The following CCDC191 variants were observed in gnomAD, a reference collection of about 807,000 sequenced individuals.
CCDC191 encodes coiled-coil domain-containing protein 191.
A neutral mutation model predicts 114.0 loss-of-function variants in CCDC191; 99 were observed. That is an observed-to-expected ratio of 0.87 (90% confidence interval 0.74 to 1.03). CCDC191 has a LOEUF of 1.03. Among genes scored for constraint, CCDC191 ranks in the 50% least tolerant of loss-of-function variants. CCDC191 has a pLI of 0.00. For missense variants in CCDC191, 973 were observed against 1,087.0 expected, an observed-to-expected ratio of 0.90 and a Z score of 1.47; for synonymous variants, 351 against 376.0, an observed-to-expected ratio of 0.93 and a Z score of 0.77.
At chr3:113,986,835 A>T (rs1391862128) in intron 13 of CCDC191, among the ~76,000 whole-genome samples, 2 of 152,136 alleles carry the variant, frequency 1.3e-5, no homozygotes, top group Non-Finnish European at 2.9e-5. Context: ...CTCCAAACAG[A>T]AGCACCAAGG....
chr3:113,966,426 A>G (rs528757913), intron 16 of CCDC191, among the ~76,000 whole-genome samples: 17 of 152,308 alleles, frequency 1.1e-4, no homozygotes, highest in Non-Finnish European at 1.5e-4. Context: ...CAGAGTTTCC[A>G]TACAGTGGGA....
intron 6 of CCDC191, among the ~76,000 whole-genome samples, chr3:114,032,239 G>A (rs922048647): frequency 2.6e-5 from 4 of 152,052 alleles, no homozygotes; most frequent in Non-Finnish European, 5.9e-5. Flanking sequence ...TGAATAAGGA[G>A]GGAATGGAAT....
chr3:113,972,813 T>C (rs1469504526), intron 16 of CCDC191, among the ~76,000 whole-genome samples: 1 of 152,162 alleles, frequency 6.6e-6, no homozygotes, highest in Non-Finnish European at 1.5e-5. Flanking sequence ...TATAATGACC[T>C]TTCTTTATTT....
intron 16 of CCDC191, among the ~76,000 whole-genome samples, chr3:113,966,271 A>G (rs1470393264): frequency 1.3e-5 from 2 of 152,202 alleles, no homozygotes; most frequent in Non-Finnish European, 2.9e-5. Flanking sequence ...CATGGTATGG[A>G]AGACTGTTTA....
intron 16 of CCDC191, among the ~76,000 whole-genome samples, chr3:113,969,845 T>G (rs1171569654): frequency 6.6e-6 from 1 of 152,188 alleles, no homozygotes; most frequent in Non-Finnish European, 1.5e-5. Flanking sequence ...TTCTGTGGTT[T>G]CATATAAATA....
intron 7 of CCDC191, among the ~76,000 whole-genome samples, chr3:114,029,031 C>T (rs1381508133): frequency 6.6e-6 from 1 of 151,762 alleles, no homozygotes; most frequent in East Asian, 1.9e-4. Context: ...AAAAAAATGA[C>T]ACTCCAGTAG....
intron 15 of CCDC191, 133 bp from the exon 16 acceptor site, chr3:113,978,464 T>A: frequency 3.3e-6 from 3 of 918,306 alleles, no homozygotes; most frequent in Non-Finnish European, 4.8e-6. Flanking sequence ...AAGAAAAGGA[T>A]AACCTGGAAG....
chr3:114,027,346 T>C (rs564988602), intron 7 of CCDC191, among the ~76,000 whole-genome samples: 11 of 152,184 alleles, frequency 7.2e-5, no homozygotes, highest in Admixed American at 5.2e-4. Context: ...CCGGGCGTGG[T>C]GGCTCATGCC....
At chr3:114,006,615 T>A (rs56296520) in intron 9 of CCDC191, among the ~76,000 whole-genome samples, 3,785 of 84,528 alleles carry the variant, frequency 0.045, 95 homozygotes, top group South Asian at 0.072. Context: ...TATATATATA[T>A]ATAAATATAT....
At chr3:114,044,345 C>T (rs2076601733) in intron 3 of CCDC191, among the ~76,000 whole-genome samples, 1 of 152,166 alleles carries the variant, frequency 6.6e-6, no homozygotes, top group Non-Finnish European at 1.5e-5. Flanking sequence ...GGATTTCTTT[C>T]TTAATGCTAT....
intron 12 of CCDC191, 127 bp from the exon 13 acceptor site, chr3:114,001,823 G>A: frequency 8.6e-7 from 1 of 1,163,926 alleles, no homozygotes; most frequent in Non-Finnish European, 1.2e-6. Context: ...TCTGCATTTT[G>A]TGATAAAAGT....
chr3:113,988,494 T>C (rs537829616), intron 13 of CCDC191, among the ~76,000 whole-genome samples: 1 of 151,630 alleles, frequency 6.6e-6, no homozygotes, highest in African/African-American at 2.4e-5. Flanking sequence ...GGCGTGGTGG[T>C]GCGTGCCTGT....
chr3:113,988,891 T>G (rs996518065), intron 13 of CCDC191, among the ~76,000 whole-genome samples: 4 of 152,068 alleles, frequency 2.6e-5, no homozygotes, highest in Non-Finnish European at 5.9e-5. Flanking sequence ...CCTCCCGGGT[T>G]CATGCCATTC....
At chr3:114,003,297 T>C in intron 11 of CCDC191, 1 of 985,408 alleles carries the variant, frequency 1.0e-6, no homozygotes, top group Non-Finnish European at 1.2e-6. Flanking sequence ...AGCCAGCCAA[T>C]AGTTACTTTC....
chr3:114,023,553 A>G (rs1399343731), intron 7 of CCDC191, among the ~76,000 whole-genome samples: 5 of 152,248 alleles, frequency 3.3e-5, no homozygotes, highest in East Asian at 1.9e-4. Context: ...ATAATGTGAC[A>G]TATGTACAAC....
chr3:114,007,495 C>T (rs1415518183), intron 9 of CCDC191, among the ~76,000 whole-genome samples: 1 of 152,114 alleles, frequency 6.6e-6, no homozygotes, highest in East Asian at 1.9e-4. Context: ...ATGAGAACAC[C>T]TGCTTAAGCA....
chr3:113,978,703 C>A, intron 15 of CCDC191, 155 bp downstream of exon 15: 1 of 799,874 alleles, frequency 1.3e-6, no homozygotes, highest in Admixed American at 2.5e-5. Flanking sequence ...ACTGATTTAC[C>A]ATTTTCACAT....
At chr3:114,004,494 A>G in intron 11 of CCDC191, 143 bp downstream of exon 11, 1 of 1,439,648 alleles carries the variant, frequency 6.9e-7, no homozygotes, top group Non-Finnish European at 9.1e-7. Context: ...CACTCCTCAC[A>G]TGTCTACCAT....
chr3:113,985,973 A>G (rs1335488166), intron 13 of CCDC191, among the ~76,000 whole-genome samples: 2 of 152,234 alleles, frequency 1.3e-5, no homozygotes, highest in Admixed American at 1.3e-4. Context: ...TGAAAAGATG[A>G]GCCAATCATC....
Sources: gnomAD v4.1 joint callset for allele counts (sites outside exome capture counted in the v4.1 genomes callset) on GRCh38, gnomAD v4.1.1 for gene constraint, MANE v1.5 for transcripts, NCBI Gene and HGNC (gene_info 2026-07-23, HGNC 2026-07-21) for gene names.